Variants in EPHA5 observed in about 807,000 individuals in gnomAD.
EPHA5 encodes EPH receptor A5.
Under a neutral mutation model 105.0 loss-of-function variants are expected in EPHA5, and 60 were observed. That is an observed-to-expected ratio of 0.57 (90% confidence interval 0.46 to 0.71). EPHA5 has a LOEUF of 0.71. Among genes scored for constraint, EPHA5 ranks in the 30% least tolerant of loss-of-function variants. The pLI is 0.00. For synonymous variants in EPHA5, 513 were observed against 449.1 expected (o/e 1.14, Z -1.80); for missense variants, 1,218 against 1,274.7 (o/e 0.96, Z 0.68).
At chr4:65,382,937 T>C (rs896403224) in intron 8 of EPHA5, among the ~76,000 whole-genome samples, 15 of 151,394 alleles carry the variant, frequency 9.9e-5, no homozygotes, top group Admixed American at 6.6e-5. Context: ...GGCCTGCATG[T>C]AAGCAGAAAC....
intron 1 of EPHA5, among the ~76,000 whole-genome samples, chr4:65,645,614 CT>C (rs74429613): frequency 0.014 from 2,064 of 143,096 alleles, 15 homozygotes; most frequent in Non-Finnish European, 0.019. Context: ...CCATTTTTAC[CT>C]TTTTTTTTTT....
At chr4:65,509,936 G>T (rs1733435242) in intron 3 of EPHA5, among the ~76,000 whole-genome samples, 1 of 151,982 alleles carries the variant, frequency 6.6e-6, no homozygotes, top group African/African-American at 2.4e-5. Context: ...AGGACAGGTG[G>T]ATCTGGTAAC....
At chr4:65,618,170 A>G (rs1745410451) in intron 2 of EPHA5, among the ~76,000 whole-genome samples, 1 of 152,180 alleles carries the variant, frequency 6.6e-6, no homozygotes, top group African/African-American at 2.4e-5. Flanking sequence ...GGAGAACAAG[A>G]GCCCCAATGA....
chr4:65,329,164 C>T (rs1720362872), intron 16 of EPHA5, among the ~76,000 whole-genome samples: 1 of 151,292 alleles, frequency 6.6e-6, no homozygotes, highest in South Asian at 2.1e-4. Context: ...TGACAATAAC[C>T]CACTGCACTT....
intron 2 of EPHA5, among the ~76,000 whole-genome samples, chr4:65,602,554 C>G (rs541438335): frequency 6.6e-6 from 1 of 152,108 alleles, no homozygotes; most frequent in East Asian, 1.9e-4. Context: ...CCAAGACGAA[C>G]ACATATGAAT....
At chr4:65,440,885 G>A (rs1725950872) in intron 5 of EPHA5, among the ~76,000 whole-genome samples, 1 of 151,992 alleles carries the variant, frequency 6.6e-6, no homozygotes, top group African/African-American at 2.4e-5. Flanking sequence ...AGAAATTGAG[G>A]AGGCTGCTTT....
chr4:65,344,368 A>G (rs778595621), intron 14 of EPHA5, among the ~76,000 whole-genome samples: 1 of 152,168 alleles, frequency 6.6e-6, no homozygotes, highest in East Asian at 1.9e-4. Context: ...CCTAGTCAAG[A>G]TGAGCAGTTA....
Position 65,503,546 on chromosome 4 carries a change from T to A in EPHA5, c.911-8003A>T, listed in dbSNP as rs1476226957. Among the ~76,000 whole-genome samples, 8 of 151,810 alleles carry A rather than the reference T, an allele frequency of 5.3e-5. No homozygotes were observed. In the East Asian group the frequency reaches 1.6e-3, roughly 29 times the overall value. On this transcript the variant is annotated intron_variant, in intron 3 of 16. Coordinates refer to ENST00000613740, the MANE Select transcript of EPHA5 (RefSeq NM_001281766.3). ...AAAGGACAGGAATACTATTGAAAAA[T>A]CATTAAATCTCTCAATACAATGTAT...
intron 3 of EPHA5, among the ~76,000 whole-genome samples, chr4:65,498,095 A>T (rs1194571875): frequency 3.9e-5 from 6 of 151,966 alleles, no homozygotes; most frequent in Admixed American, 3.3e-4. Flanking sequence ...AAAATGATTT[A>T]ATTTGAGTTA....
intron 8 of EPHA5, among the ~76,000 whole-genome samples, chr4:65,394,023 A>T (rs930524226): frequency 2.9e-4 from 44 of 152,308 alleles, no homozygotes; most frequent in African/African-American, 1.0e-3. Flanking sequence ...ATAAAGTTTT[A>T]AGGGTAGACA....
chr4:65,562,004 A>C (rs1296362234), intron 3 of EPHA5, among the ~76,000 whole-genome samples: 1 of 152,116 alleles, frequency 6.6e-6, no homozygotes, highest in Non-Finnish European at 1.5e-5. Flanking sequence ...AAATGTCTGC[A>C]ATCTAGATAA....
chr4:65,573,588 T>C, intron 3 of EPHA5: 1 of 1,598,792 alleles, frequency 6.3e-7, no homozygotes, highest in Non-Finnish European at 8.5e-7. Flanking sequence ...GAAGCCCCGT[T>C]GCAGCCGCAA....
At chr4:65,616,398 A>G (rs11942778) in intron 2 of EPHA5, among the ~76,000 whole-genome samples, 74,128 of 150,498 alleles carry the variant, frequency 0.49, 19,919 homozygotes, top group Middle Eastern at 0.65. Flanking sequence ...ACAAACTTAC[A>G]CAGATGATGA....
chr4:65,669,932 C>T lies in EPHA5; in HGVS notation c.-190G>A, dbSNP rs1578746320. 1 of 801,720 alleles carries T rather than the reference C, an allele frequency of 1.2e-6. No individual in the cohort carries two copies. The highest frequency in any genetic ancestry group is 1.7e-6 in the Non-Finnish European group (1 of 595,828). The allele number at this position is 801,720 out of a possible 1,614,324, so 49.7% of individuals were successfully genotyped here. A position where few individuals can be genotyped will look rare whatever the true frequency, so the allele number is the denominator to read the frequency against. On this transcript the variant is annotated 5_prime_UTR_variant, in exon 1 of 17. Coordinates refer to ENST00000613740, the MANE Select transcript of EPHA5 (RefSeq NM_001281766.3). ...AGACAGCTGAAGTTTGCTTCTGGCT[C>T]CTCTCGCCTCCCCCTTTGGTGGGGT...
intron 8 of EPHA5, among the ~76,000 whole-genome samples, chr4:65,397,770 A>G (rs915525085): frequency 3.3e-5 from 5 of 152,154 alleles, no homozygotes; most frequent in South Asian, 4.1e-4. Context: ...CTTACCAGGG[A>G]CCCTTAGATA....
chr4:65,457,322 T>C (rs1490641745), intron 5 of EPHA5, among the ~76,000 whole-genome samples: 3 of 152,148 alleles, frequency 2.0e-5, no homozygotes, highest in Middle Eastern at 3.4e-3. Flanking sequence ...TCCTCGCCTG[T>C]TAACTGGGGA....
At chr4:65,537,583 T>G (rs1304840804) in intron 3 of EPHA5, among the ~76,000 whole-genome samples, 1 of 151,762 alleles carries the variant, frequency 6.6e-6, no homozygotes, top group Non-Finnish European at 1.5e-5. Context: ...ACTTTTATCC[T>G]ATTAAACATG....
intron 3 of EPHA5, 70 bp from the exon 4 acceptor site, chr4:65,495,613 A>C: frequency 7.8e-5 from 106 of 1,358,108 alleles, no homozygotes; most frequent in Non-Finnish European, 1.0e-4. Flanking sequence ...GAATAATGTC[A>C]TTATTTTGAC....
At chr4:65,357,810 T>C (rs1723447621) in intron 11 of EPHA5, among the ~76,000 whole-genome samples, 1 of 151,530 alleles carries the variant, frequency 6.6e-6, no homozygotes, top group East Asian at 2.0e-4. Flanking sequence ...ATTAAAGGTG[T>C]ATAGCTCAAG....
Sources: gnomAD v4.1 joint callset for allele counts (sites outside exome capture counted in the v4.1 genomes callset) on GRCh38, gnomAD v4.1.1 for gene constraint, MANE v1.5 for transcripts, NCBI Gene and HGNC (gene_info 2026-07-23, HGNC 2026-07-21) for gene names.